NEK11: variants seen among roughly 807,000 people sequenced by gnomAD.
The protein encoded by NEK11 is NIMA related kinase 11.
Under a neutral mutation model 80.7 loss-of-function variants are expected in NEK11, and 72 were observed. The observed-to-expected ratio is 0.89, with a 90% CI of 0.74 to 1.08. The LOEUF (loss-of-function observed/expected upper bound fraction) is 1.08, where lower values mean the gene tolerates loss of function less well. Among genes scored for constraint, NEK11 ranks in the 50% least tolerant of loss-of-function variants. The pLI is 0.00. For missense variants in NEK11, 764 were observed against 763.6 expected (o/e 1.00, Z -0.01); for synonymous variants, 251 against 260.7 (o/e 0.96, Z 0.36).
intron 14 of NEK11, among the ~76,000 whole-genome samples, chr3:131,183,423 T>A (rs944589549): frequency 2.0e-5 from 3 of 152,216 alleles, no homozygotes; most frequent in Admixed American, 2.0e-4. Context: ...CTATTTATCC[T>A]GATTCTCTCC....
At chr3:131,257,886 C>T (rs536455706) in intron 16 of NEK11, among the ~76,000 whole-genome samples, 7 of 152,120 alleles carry the variant, frequency 4.6e-5, no homozygotes, top group African/African-American at 1.7e-4. Context: ...ATGTTTATAG[C>T]AGCGATTGCA....
chr3:131,170,016 G>T (rs776533247), intron 13 of NEK11, among the ~76,000 whole-genome samples: 1 of 152,058 alleles, frequency 6.6e-6, no homozygotes, highest in Non-Finnish European at 1.5e-5. Flanking sequence ...CACAAATACC[G>T]CACTGCAGTG....
intron 14 of NEK11, among the ~76,000 whole-genome samples, chr3:131,214,813 T>C (rs2094764649): frequency 6.6e-6 from 1 of 152,040 alleles, no homozygotes; most frequent in Non-Finnish European, 1.5e-5. Context: ...CTGTCCTATA[T>C]ATAAAAAACA....
chr3:131,071,196 A>G (rs2073222117), intron 3 of NEK11, among the ~76,000 whole-genome samples: 1 of 152,188 alleles, frequency 6.6e-6, no homozygotes, highest in Non-Finnish European at 1.5e-5. Context: ...TTCAGCTTCC[A>G]GATCAAAGCT....
chr3:131,115,992 T>TTCTTTCTC (rs1553878713), intron 5 of NEK11, among the ~76,000 whole-genome samples: 4 of 123,214 alleles, frequency 3.2e-5, no homozygotes, highest in Non-Finnish European at 3.6e-5. Context: ...CTTTCTTTAT[T>TTCTTTCTC]ATACTTTAAG....
chr3:131,067,273 C>A (rs1008525313), intron 3 of NEK11, among the ~76,000 whole-genome samples: 4 of 152,152 alleles, frequency 2.6e-5, no homozygotes, highest in African/African-American at 9.7e-5. Context: ...AGATCAGGTG[C>A]CCCATACACG....
chr3:131,141,681 T>C (rs940967171), intron 7 of NEK11, among the ~76,000 whole-genome samples: 7 of 152,208 alleles, frequency 4.6e-5, no homozygotes, highest in African/African-American at 1.7e-4. Flanking sequence ...TAAAAATAGT[T>C]ACAAATGACT....
chr3:131,293,002 A>T (rs1561407751), intron 17 of NEK11, among the ~76,000 whole-genome samples: 3 of 152,090 alleles, frequency 2.0e-5, no homozygotes, highest in Non-Finnish European at 4.4e-5. Flanking sequence ...CGATTTTTTT[A>T]AATTTTCTAC....
intron 4 of NEK11, among the ~76,000 whole-genome samples, chr3:131,106,122 T>C (rs894760518): frequency 4.6e-5 from 7 of 152,202 alleles, no homozygotes; most frequent in African/African-American, 1.4e-4. Flanking sequence ...CAGCAGTCTA[T>C]AGATTGGAAA....
intron 14 of NEK11, among the ~76,000 whole-genome samples, chr3:131,191,387 C>G (rs965900968): frequency 6.6e-6 from 1 of 152,032 alleles, no homozygotes; most frequent in African/African-American, 2.4e-5. Context: ...TGGTTTGTGC[C>G]CTCCTTTCTC....
intron 15 of NEK11, among the ~76,000 whole-genome samples, chr3:131,238,405 A>G (rs1328140693): frequency 6.6e-6 from 1 of 152,196 alleles, no homozygotes; most frequent in Non-Finnish European, 1.5e-5. Flanking sequence ...ATCACAGAAC[A>G]AATACTTAGT....
chr3:131,338,240 C>T (rs1437120019), intron 17 of NEK11, among the ~76,000 whole-genome samples: 4 of 143,790 alleles, frequency 2.8e-5, no homozygotes, highest in Admixed American at 2.2e-4. Flanking sequence ...GTTGGGATTA[C>T]AGGCATGAGC....
intron 3 of NEK11, among the ~76,000 whole-genome samples, chr3:131,037,288 ATTT>A (rs11391510): frequency 6.8e-6 from 1 of 146,114 alleles, no homozygotes; most frequent in African/African-American, 2.5e-5. Context: ...AACTTCATCC[ATTT>A]TTTTTTTTTT....
intron 14 of NEK11, among the ~76,000 whole-genome samples, chr3:131,186,539 A>G (rs1014937208): frequency 5.9e-5 from 9 of 152,170 alleles, no homozygotes; most frequent in African/African-American, 1.4e-4. Context: ...CAGGGATACC[A>G]CTGTTATATC....
rs150859650 is a variant in NEK11 at position 131,083,668 on chromosome 3, C to G, written c.336+3080C>G. Among the ~76,000 whole-genome samples, 1,237 of 152,270 alleles carry G rather than the reference C, an allele frequency of 8.1e-3. 20 individuals carry two copies. Among genetic ancestry groups the G allele is most frequent in the African/African-American group, 0.028 (1,170 of 41,534 alleles). ...TCTCTTTATCTCCAGGTTCCCTCTT[C>G]TGTAATTTAATTTGGGGCCTTTCAA... On this transcript the variant is annotated intron_variant, in intron 4 of 17. Transcript: ENST00000383366.
chr3:131,168,176 C>A (rs932652086), intron 12 of NEK11, among the ~76,000 whole-genome samples: 2 of 152,146 alleles, frequency 1.3e-5, no homozygotes, highest in Non-Finnish European at 2.9e-5. Context: ...TTCAGGAAAA[C>A]CTTGTCAGCC....
chr3:131,076,495 C>T (rs2074377286), intron 3 of NEK11, among the ~76,000 whole-genome samples: 1 of 152,124 alleles, frequency 6.6e-6, no homozygotes, highest in African/African-American at 2.4e-5. Context: ...TAATTCCTGC[C>T]TTCCTAGAGG....
chr3:131,159,048 C>T (rs1438261536), intron 10 of NEK11, among the ~76,000 whole-genome samples: 4 of 152,280 alleles, frequency 2.6e-5, no homozygotes, highest in African/African-American at 7.2e-5. Flanking sequence ...CTAAAATTTT[C>T]CAGAAACAAA....
chr3:131,121,789 C>A (rs907102560), intron 5 of NEK11, among the ~76,000 whole-genome samples: 7 of 152,206 alleles, frequency 4.6e-5, no homozygotes, highest in African/African-American at 1.7e-4. Context: ...CCAAGCCATG[C>A]ATGGGATATA....
Sources: gnomAD v4.1 joint callset for allele counts (sites outside exome capture counted in the v4.1 genomes callset) on GRCh38, gnomAD v4.1.1 for gene constraint, MANE v1.5 for transcripts, NCBI Gene and HGNC (gene_info 2026-07-23, HGNC 2026-07-21) for gene names.